The following TNS3 variants were observed in gnomAD, a reference collection of about 807,000 sequenced individuals.
TNS3 encodes tensin 3.
TNS3 carries 45 observed loss-of-function variants against 140.9 expected under a neutral mutation model. The ratio of observed to expected loss-of-function variants is 0.32; its 90% confidence interval spans 0.25 to 0.41. TNS3 has a LOEUF of 0.41. Among genes scored for constraint, TNS3 ranks in the 10% least tolerant of loss-of-function variants. TNS3 has a pLI of 1.00. For missense variants in TNS3, 1,716 were observed against 1,906.7 expected (o/e 0.90, Z 1.86); for synonymous variants, 815 against 788.4 (o/e 1.03, Z -0.56).
At chr7:47,550,592 A>G (rs1293754651) in intron 1 of TNS3, among the ~76,000 whole-genome samples, 1 of 152,160 alleles carries the variant, frequency 6.6e-6, no homozygotes, top group Non-Finnish European at 1.5e-5. Flanking sequence ...CAAAATCTCT[A>G]TGTTCTCATT....
At chr7:47,417,062 G>A (rs1024414798) in intron 10 of TNS3, among the ~76,000 whole-genome samples, 3 of 152,226 alleles carry the variant, frequency 2.0e-5, no homozygotes, top group African/African-American at 7.2e-5. Context: ...AGTGCCCCAT[G>A]TGCACCTGGA....
At chr7:47,310,056 A>G (rs1025016084) in intron 20 of TNS3, among the ~76,000 whole-genome samples, 21 of 152,314 alleles carry the variant, frequency 1.4e-4, no homozygotes, top group African/African-American at 4.6e-4. Context: ...ACAAACTAGC[A>G]GTGGTAATCA....
chr7:47,326,993 T>TAC (rs10688113), intron 20 of TNS3, among the ~76,000 whole-genome samples: 15,236 of 152,020 alleles, frequency 0.1, 913 homozygotes, highest in African/African-American at 0.16. Context: ...CCAGCTGGAA[T>TAC]ACACACACAC....
chr7:47,292,959 T>G (rs768162075), intron 25 of TNS3, 54 bp from the exon 26 acceptor site: 65 of 1,503,400 alleles, frequency 4.3e-5, no homozygotes, highest in Non-Finnish European at 5.8e-5. Context: ...AGATGTTGTG[T>G]GCTCAGCCAA....
intron 20 of TNS3, among the ~76,000 whole-genome samples, chr7:47,330,004 G>C (rs892750663): frequency 2.6e-5 from 4 of 152,188 alleles, no homozygotes; most frequent in African/African-American, 9.7e-5. Flanking sequence ...TTCCTCTCTT[G>C]CTTCTTTCTC....
At chr7:47,515,305 C>G (rs1798743942) in intron 2 of TNS3, among the ~76,000 whole-genome samples, 1 of 152,166 alleles carries the variant, frequency 6.6e-6, no homozygotes, top group Non-Finnish European at 1.5e-5. Context: ...GAATATGCCC[C>G]TAACCCTTCT....
intron 1 of TNS3, among the ~76,000 whole-genome samples, chr7:47,563,959 C>CG (rs1227399277): frequency 6.6e-6 from 1 of 150,834 alleles, no homozygotes; most frequent in East Asian, 2.0e-4. Context: ...TTTGGGAGGC[C>CG]AAGATGGGCA....
chr7:47,412,136 G>A lies in TNS3; in HGVS notation c.648-334C>T, dbSNP rs987396392. ...ACAGTTTCAGTTACAAACTGAGGGT[G>A]CAATTCCAGAGTGACATCAGTGCAC... On this transcript the variant is annotated intron_variant, in intron 12 of 30. Coordinates refer to ENST00000311160, the MANE Select transcript of TNS3 (RefSeq NM_022748.12). 3.9e-5 allele frequency among the ~76,000 whole-genome samples: 6 copies of A among 152,294 alleles called. No individual in the cohort carries two copies. In the East Asian group the frequency reaches 1.2e-3, roughly 29 times the overall value.
At chr7:47,565,700 G>A (rs1405391209) in intron 1 of TNS3, among the ~76,000 whole-genome samples, 1 of 152,150 alleles carries the variant, frequency 6.6e-6, no homozygotes, top group South Asian at 2.1e-4. Flanking sequence ...TAATAAGCCA[G>A]TAGGTGGGGG....
chr7:47,344,857 C>T lies in TNS3; in HGVS notation c.2567-19G>A, dbSNP rs187649970. 1.1e-3 allele frequency: 1,759 copies of T among 1,613,846 alleles called. 3 individuals carry two copies. Among genetic ancestry groups the T allele is most frequent in the Non-Finnish European group, 1.4e-3 (1,650 of 1,179,822 alleles). ...GTTTTCACTGGAAAAGAAAGCAGAG[C>T]AAGGGGCTGTTGTCACCCTCCTTGG... On this transcript the variant is annotated intron_variant, in intron 19 of 30. Transcript: ENST00000311160.
At chr7:47,493,124 C>T (rs948324733) in intron 3 of TNS3, among the ~76,000 whole-genome samples, 24 of 152,156 alleles carry the variant, frequency 1.6e-4, no homozygotes, top group South Asian at 4.1e-4. Context: ...GCCCAGATCT[C>T]GAATAAAACC....
chr7:47,503,326 C>T (rs1798296227), intron 3 of TNS3, among the ~76,000 whole-genome samples: 1 of 152,036 alleles, frequency 6.6e-6, no homozygotes. Context: ...GCCTAAGCTC[C>T]CCTTCATTTC....
At chr7:47,532,823 T>C (rs927166698) in intron 1 of TNS3, among the ~76,000 whole-genome samples, 1 of 151,992 alleles carries the variant, frequency 6.6e-6, no homozygotes, top group African/African-American at 2.4e-5. Flanking sequence ...CACTTGAAGG[T>C]AGCCTGTGAT....
chr7:47,440,457 G>C (rs980151556), intron 5 of TNS3, among the ~76,000 whole-genome samples: 1 of 152,224 alleles, frequency 6.6e-6, no homozygotes, highest in African/African-American at 2.4e-5. Flanking sequence ...GGCCAGGGCA[G>C]GCCCCCAAGT....
chr7:47,526,270 G>A (rs1295897425), intron 2 of TNS3, among the ~76,000 whole-genome samples: 2 of 152,158 alleles, frequency 1.3e-5, no homozygotes, highest in Non-Finnish European at 2.9e-5. Context: ...CCAACCTAGT[G>A]CAGCCCAAGC....
chr7:47,289,220 T>C (rs1785573776), intron 27 of TNS3, among the ~76,000 whole-genome samples: 2 of 152,054 alleles, frequency 1.3e-5, no homozygotes, highest in Admixed American at 1.3e-4. Context: ...CATTGTGGAG[T>C]TACACCTGTA....
At chr7:47,435,649 T>A (rs967525169) in intron 7 of TNS3, among the ~76,000 whole-genome samples, 12 of 152,046 alleles carry the variant, frequency 7.9e-5, no homozygotes, top group Non-Finnish European at 1.5e-5. Flanking sequence ...GCAGCTGGGG[T>A]GACAATTCTA....
rs575059440 is a variant in TNS3 at position 47,428,237 on chromosome 7, G to A, written c.389+75C>T. 54 of 1,121,236 alleles carry A rather than the reference G, an allele frequency of 4.8e-5. No individual in the cohort carries two copies. The African/African-American group carries it at 7.4e-4, about 15-fold the overall frequency. 69.5% of individuals were successfully genotyped at this position (1,121,236 alleles called of 1,614,324 possible). ...GCCCTTGGTATCCAGAACAGCTCCC[G>A]CGCAGACAGCCTTCAGCCCCATGCA... On this transcript the variant is annotated intron_variant, in intron 9 of 30. Transcript: ENST00000311160.
rs774065147 is a variant in TNS3, at chr7:47,278,186, C to T, written c.4228G>A (p.Ala1410Thr). Residue 1410 changes from alanine (A) to threonine (T), a missense_variant, in exon 31 of 31, where the codon GCC becomes ACC. By Grantham distance (58) the Ala-to-Thr change is moderately conservative. This residue lies in a region of TNS3 where 216 missense variants were observed against 295.7 expected (regional missense o/e 0.73). Coordinates refer to ENST00000311160, the MANE Select transcript of TNS3 (RefSeq NM_022748.12). The part of the protein sequence containing the change: ...FGFVARKQGS[A>T]TDNVCHLFAE... ...AACAGGTGGCACACATTATCCGTGG[C>T]ACTGCCCTGCTTCCGGGCCACAAAT... 3 of 1,614,164 alleles carry T rather than the reference C, an allele frequency of 1.9e-6. No individual in the cohort carries two copies. In the South Asian group the frequency reaches 3.3e-5, roughly 18 times the overall value.
Sources: gnomAD v4.1 joint callset for allele counts (sites outside exome capture counted in the v4.1 genomes callset) on GRCh38, gnomAD v4.1.1 for gene constraint, gnomAD v4.1.1 regional missense constraint, MANE v1.5 for transcripts, NCBI Gene and HGNC (gene_info 2026-07-23, HGNC 2026-07-21) for gene names.